The following UGT1A8 variants were observed in gnomAD, a reference collection of about 807,000 sequenced individuals.
UGT1A8 encodes UDP-glucuronosyltransferase 1A8.
UGT1A8 carries 39 observed loss-of-function variants against 45.3 expected under a neutral mutation model. The observed-to-expected ratio is 0.86, with a 90% confidence interval of 0.67 to 1.12. The LOEUF (loss-of-function observed/expected upper bound fraction) is 1.12. Among genes scored for constraint, UGT1A8 ranks in the 50% most tolerant of loss-of-function variants. The probability of loss-of-function intolerance (pLI) is 0.00; values close to 1 mark genes in which losing one functional copy is unlikely to be tolerated. For missense variants in UGT1A8, 719 were observed against 664.9 expected, an observed-to-expected ratio of 1.08 and a Z score of -0.90; for synonymous variants, 275 against 249.2, an observed-to-expected ratio of 1.10 and a Z score of -0.97.
chr2:233,720,218 T>C (rs1362764993), intron 1 of UGT1A8, among the ~76,000 whole-genome samples: 2 of 152,126 alleles, frequency 1.3e-5, no homozygotes, highest in African/African-American at 2.4e-5. Context: ...GATGGATGCA[T>C]GTGATCAGAG....
Position 233,756,787 on chromosome 2 carries a change from G to A in UGT1A8, c.856-10247G>A, listed in dbSNP as rs1029492896. Among the ~76,000 whole-genome samples the A allele has an allele frequency of 9.9e-5, 15 of 151,900 alleles. No individual in the cohort carries two copies. The East Asian group carries it at 1.2e-3, about 12-fold the overall frequency. On this transcript the variant is annotated intron_variant, in intron 1 of 4. Coordinates refer to ENST00000373450, the MANE Select transcript of UGT1A8 (RefSeq NM_019076.5). ...GGATTCTTTGCTTTGATAAATTGTG[G>A]GGCAATACACTAGTAAAGGTCACTC... is the stretch of plus-strand genomic sequence containing the variant.
At chr2:233,740,004 G>A (rs1691279372) in intron 1 of UGT1A8, among the ~76,000 whole-genome samples, 1 of 151,810 alleles carries the variant, frequency 6.6e-6, no homozygotes, top group African/African-American at 2.4e-5. Context: ...GTCATACTAA[G>A]TGAGTTCTCA....
At chr2:233,695,862 A>G (rs1251510641) in intron 1 of UGT1A8, among the ~76,000 whole-genome samples, 2 of 152,224 alleles carry the variant, frequency 1.3e-5, no homozygotes, top group East Asian at 3.8e-4. Context: ...CTCACTCAAC[A>G]ACAAACAACG....
At chr2:233,626,020 G>GTAGA (rs1363172862) in intron 1 of UGT1A8, among the ~76,000 whole-genome samples, 1 of 152,072 alleles carries the variant, frequency 6.6e-6, no homozygotes, top group African/African-American at 2.4e-5. Flanking sequence ...AGGAGGAGGA[G>GTAGA]TAGATGTTGG....
intron 1 of UGT1A8, among the ~76,000 whole-genome samples, chr2:233,662,534 T>G (rs973429535): frequency 1.3e-5 from 2 of 152,238 alleles, no homozygotes; most frequent in Admixed American, 1.3e-4. Flanking sequence ...TGGAGGTTGT[T>G]GTAGAGTTTG....
intron 1 of UGT1A8, among the ~76,000 whole-genome samples, chr2:233,653,889 G>A (rs549608180): frequency 3.4e-4 from 52 of 152,320 alleles, no homozygotes; most frequent in African/African-American, 1.2e-3. Context: ...GGGCCACCAC[G>A]CCCGGCCAAG....
chr2:233,745,697 C>A (rs1481234082), intron 1 of UGT1A8, among the ~76,000 whole-genome samples: 2 of 147,560 alleles, frequency 1.4e-5, no homozygotes, highest in African/African-American at 5.1e-5. Flanking sequence ...GTTTGGAGAA[C>A]AACAAGTGAT....
At chr2:233,730,565 C>T (rs28898621) in intron 1 of UGT1A8, among the ~76,000 whole-genome samples, 10,381 of 152,078 alleles carry the variant, frequency 0.068, 502 homozygotes, top group East Asian at 0.2. Context: ...GAATGACACA[C>T]GAAGTTCAGT....
At chr2:233,660,791 C>G (rs1472477607) in intron 1 of UGT1A8, among the ~76,000 whole-genome samples, 1 of 152,058 alleles carries the variant, frequency 6.6e-6, no homozygotes, top group East Asian at 1.9e-4. Context: ...AAAACTGGCT[C>G]AGGCAGATAT....
intron 1 of UGT1A8, among the ~76,000 whole-genome samples, chr2:233,671,265 G>GT (rs2074184102): frequency 6.6e-6 from 1 of 152,202 alleles, no homozygotes; most frequent in South Asian, 2.1e-4. Flanking sequence ...TGCGTGCGAT[G>GT]TATCTTAGGA....
chr2:233,754,548 G>A (rs760098781), intron 1 of UGT1A8: 6 of 380,460 alleles, frequency 1.6e-5, no homozygotes, highest in African/African-American at 2.1e-5. Context: ...GGAATTACTT[G>A]GTGTCAATGG....
At chr2:233,692,866 A>G in intron 1 of UGT1A8, 2 of 1,480,832 alleles carry the variant, frequency 1.4e-6, no homozygotes, top group Admixed American at 2.7e-5. Context: ...CTTACATATC[A>G]AAGGGTAAAA....
rs377501831 is a variant in UGT1A8, at chr2:233,767,899, G to A, written c.1038G>A (p.Thr346=). The A allele has an allele frequency of 2.4e-5, 38 of 1,614,024 alleles. No homozygotes were observed. Among genetic ancestry groups the A allele is most frequent in the Admixed American group, 8.3e-5 (5 of 59,994 alleles). ...GTRPSNLANN[T]ILVKWLPQND... ...GACCATCGAATCTTGCGAACAACAC[G>A]ATACTTGTTAAGTGGCTACCCCAAA... The change falls in exon 3 of 5, where the codon ACG becomes ACA. Residue 346 remains threonine (T), a synonymous_variant. Transcript: ENST00000373450.
intron 1 of UGT1A8, among the ~76,000 whole-genome samples, chr2:233,629,648 G>C (rs553580247): frequency 6.6e-6 from 1 of 152,016 alleles, no homozygotes; most frequent in Non-Finnish European, 1.5e-5. Context: ...AAATGAATTA[G>C]GAAATCCCCT....
chr2:233,724,426 G>T, intron 1 of UGT1A8, among the ~76,000 whole-genome samples: 1 of 134,712 alleles, frequency 7.4e-6, no homozygotes, highest in Admixed American at 7.3e-5. Flanking sequence ...GGGCGGAGAG[G>T]CTCCTCACTT....
At chr2:233,701,908 G>A (rs1360609190) in intron 1 of UGT1A8, among the ~76,000 whole-genome samples, 2 of 151,992 alleles carry the variant, frequency 1.3e-5, no homozygotes. Context: ...ATCTAAAATT[G>A]ACACCCTAAC....
intron 1 of UGT1A8, among the ~76,000 whole-genome samples, chr2:233,733,693 C>T (rs2078430243): frequency 6.6e-6 from 1 of 152,134 alleles, no homozygotes; most frequent in Non-Finnish European, 1.5e-5. Flanking sequence ...TGATGTGCTG[C>T]TGGATTTGGT....
intron 1 of UGT1A8, among the ~76,000 whole-genome samples, chr2:233,724,489 G>GGTT (rs2077269335): frequency 1.4e-5 from 1 of 73,260 alleles, no homozygotes; most frequent in Non-Finnish European, 2.9e-5. Context: ...CAGACGGGGC[G>GGTT]GCCGGGCAGA....
chr2:233,676,520 A>T (rs757649289), intron 1 of UGT1A8, among the ~76,000 whole-genome samples: 1 of 152,168 alleles, frequency 6.6e-6, no homozygotes, highest in Non-Finnish European at 1.5e-5. Context: ...TTTCCTTCAG[A>T]TTTCATTAAT....
Sources: allele counts gnomAD v4.1 joint callset (sites outside exome capture counted in the v4.1 genomes callset), GRCh38; gene constraint gnomAD v4.1.1; transcripts MANE v1.5; gene names NCBI Gene and HGNC (gene_info 2026-07-23, HGNC 2026-07-21).